The following DIAPH3 variants were observed in gnomAD, a reference collection of about 807,000 sequenced individuals.
The protein encoded by DIAPH3 is diaphanous related formin 3, also known as protein diaphanous homolog 3.
A neutral mutation model predicts 144.3 loss-of-function variants in DIAPH3; 117 were observed. The ratio of observed to expected loss-of-function variants is 0.81; its 90% CI spans 0.70 to 0.95. DIAPH3 has a LOEUF of 0.95. Among genes scored for constraint, DIAPH3 ranks in the 40% least tolerant of loss-of-function variants. DIAPH3 has a pLI of 0.00. For missense variants in DIAPH3, 1,421 were observed against 1,412.7 expected (o/e 1.01, Z -0.09); for synonymous variants, 519 against 488.9 (o/e 1.06, Z -0.81).
chr13:59,965,208 G>A (rs1246242755), intron 17 of DIAPH3, among the ~76,000 whole-genome samples: 1 of 152,036 alleles, frequency 6.6e-6, no homozygotes, highest in Non-Finnish European at 1.5e-5. Flanking sequence ...TCCATTAACT[G>A]TTTCCATATG....
intron 4 of DIAPH3, among the ~76,000 whole-genome samples, chr13:60,068,417 T>C (rs1418857027): frequency 2.0e-5 from 3 of 152,248 alleles, no homozygotes; most frequent in African/African-American, 7.2e-5. Context: ...ACTGTCAGTC[T>C]TTACAGATGT....
At chr13:59,707,835 C>A (rs1245902936) in intron 27 of DIAPH3, among the ~76,000 whole-genome samples, 1 of 152,050 alleles carries the variant, frequency 6.6e-6, no homozygotes, top group Non-Finnish European at 1.5e-5. Flanking sequence ...TCCAATAAGG[C>A]CAACTCCTCC....
chr13:59,945,796 A>C lies in DIAPH3; in HGVS notation c.2075-20926T>G, dbSNP rs370008415. 1.2e-4 allele frequency among the ~76,000 whole-genome samples: 18 copies of C among 152,288 alleles called. No homozygotes were observed. In the East Asian group the frequency reaches 2.5e-3, roughly 21 times the overall value. On this transcript the variant is annotated intron_variant, in intron 17 of 27. Transcript: ENST00000400324. ...CCAGGGTCAAGAGGTACAGGTGAGT[A>C]TTTCTGTCCTGTTTCCTTCATGACT...
intron 27 of DIAPH3, among the ~76,000 whole-genome samples, chr13:59,757,060 C>G (rs1253603703): frequency 6.6e-6 from 1 of 151,982 alleles, no homozygotes; most frequent in East Asian, 1.9e-4. Flanking sequence ...TTATCAGTTA[C>G]AAATAAAGGA....
At chr13:59,703,431 T>C (rs1694929069) in intron 27 of DIAPH3, among the ~76,000 whole-genome samples, 1 of 152,228 alleles carries the variant, frequency 6.6e-6, no homozygotes, top group African/African-American at 2.4e-5. Context: ...ATTATACTTT[T>C]TTCTATATAC....
intron 22 of DIAPH3, among the ~76,000 whole-genome samples, chr13:59,840,276 G>C (rs2042267983): frequency 6.6e-6 from 1 of 152,084 alleles, no homozygotes; most frequent in Non-Finnish European, 1.5e-5. Flanking sequence ...TTTGTTCAAT[G>C]TGAACTATAT....
At chr13:59,825,072 A>T (rs1023361747) in intron 24 of DIAPH3, among the ~76,000 whole-genome samples, 10 of 152,098 alleles carry the variant, frequency 6.6e-5, no homozygotes, top group African/African-American at 2.4e-4. Flanking sequence ...GTTTTAGGGT[A>T]CATGTGCACA....
At chr13:60,021,775 T>C (rs1056033762) in intron 5 of DIAPH3, among the ~76,000 whole-genome samples, 16 of 151,650 alleles carry the variant, frequency 1.1e-4, no homozygotes, top group African/African-American at 2.9e-4. Context: ...CTGAAAAACC[T>C]GGGAATGGCC....
chr13:59,742,486 C>T (rs2036505615), intron 27 of DIAPH3, among the ~76,000 whole-genome samples: 1 of 151,836 alleles, frequency 6.6e-6, no homozygotes, highest in Non-Finnish European at 1.5e-5. Context: ...GTTCTTATGA[C>T]TTACCTTAGA....
intron 22 of DIAPH3, among the ~76,000 whole-genome samples, chr13:59,853,438 C>T (rs1465141069): frequency 1.3e-5 from 2 of 152,122 alleles, no homozygotes; most frequent in Non-Finnish European, 2.9e-5. Context: ...TTTCCTCTTG[C>T]TGTTCTCATG....
At chr13:59,918,944 C>CAAAAAA (rs34985752) in intron 18 of DIAPH3, among the ~76,000 whole-genome samples, 3 of 117,482 alleles carry the variant, frequency 2.6e-5, no homozygotes, top group Non-Finnish European at 1.7e-5. Flanking sequence ...CAAGAAAATA[C>CAAAAAA]AAAAAAAAAA....
At chr13:59,935,965 T>C (rs1057437423) in intron 17 of DIAPH3, among the ~76,000 whole-genome samples, 1 of 152,170 alleles carries the variant, frequency 6.6e-6, no homozygotes, top group African/African-American at 2.4e-5. Context: ...GATAAATGCG[T>C]ATTTCTCTTT....
intron 1 of DIAPH3, among the ~76,000 whole-genome samples, chr13:60,139,553 G>T (rs953236850): frequency 6.6e-6 from 1 of 152,016 alleles, no homozygotes; most frequent in Admixed American, 6.5e-5. Flanking sequence ...TAAGGAGAAG[G>T]CATCATTCAA....
chr13:59,900,931 G>T (rs1054471805), intron 20 of DIAPH3, among the ~76,000 whole-genome samples: 3 of 152,132 alleles, frequency 2.0e-5, no homozygotes, highest in Non-Finnish European at 4.4e-5. Flanking sequence ...AGTTATTCAT[G>T]ATTCCTCCTA....
chr13:60,081,296 T>G (rs2057551317), intron 4 of DIAPH3, among the ~76,000 whole-genome samples: 1 of 152,036 alleles, frequency 6.6e-6, no homozygotes, highest in African/African-American at 2.4e-5. Flanking sequence ...AAACTATTTG[T>G]AGGTCATGGA....
intron 27 of DIAPH3, among the ~76,000 whole-genome samples, chr13:59,689,906 A>T (rs1384790023): frequency 6.6e-6 from 1 of 152,050 alleles, no homozygotes; most frequent in Non-Finnish European, 1.5e-5. Context: ...ACATTTTTTT[A>T]TGCTATGAAA....
chr13:59,960,107 T>C (rs1224247985), intron 17 of DIAPH3, among the ~76,000 whole-genome samples: 13 of 152,220 alleles, frequency 8.5e-5, no homozygotes, highest in Admixed American at 2.6e-4. Flanking sequence ...CTAAGGTTTT[T>C]TTCCAATCAC....
At chr13:59,754,991 C>T (rs138143372) in intron 27 of DIAPH3, among the ~76,000 whole-genome samples, 1 of 152,164 alleles carries the variant, frequency 6.6e-6, no homozygotes, top group Admixed American at 6.5e-5. Context: ...CAACCTACAT[C>T]ATTAACTTCT....
At chr13:59,798,764 A>G (rs1428766760) in intron 25 of DIAPH3, among the ~76,000 whole-genome samples, 1 of 152,184 alleles carries the variant, frequency 6.6e-6, no homozygotes, top group East Asian at 1.9e-4. Context: ...CTGGTGGAAG[A>G]GAAATTGGAA....
Sources: allele counts gnomAD v4.1 joint callset (sites outside exome capture counted in the v4.1 genomes callset), GRCh38; gene constraint gnomAD v4.1.1; transcripts MANE v1.5; gene names NCBI Gene and HGNC (gene_info 2026-07-23, HGNC 2026-07-21).